XYLT2: variants seen among roughly 807,000 people sequenced by gnomAD.
XYLT2 encodes UDP-D-xylose:proteoglycan core protein beta-D-xylosyltransferase.
Under a neutral mutation model 82.6 loss-of-function variants are expected in XYLT2, and 37 were observed. That is an observed-to-expected ratio of 0.45 (90% CI 0.34 to 0.59). The LOEUF (loss-of-function observed/expected upper bound fraction) is 0.59. Among genes scored for constraint, XYLT2 ranks in the 20% least tolerant of loss-of-function variants. The pLI is 0.01. For missense variants in XYLT2, 934 were observed against 1,181.3 expected (o/e 0.79, Z 3.07); for synonymous variants, 474 against 499.0 (o/e 0.95, Z 0.67).
intron 10 of XYLT2, 150 bp downstream of exon 10, chr17:50,358,690 T>A: frequency 1.2e-6 from 1 of 823,216 alleles, no homozygotes; most frequent in Non-Finnish European, 1.9e-6. Flanking sequence ...TTCTTTCCTG[T>A]AGCATGCAGG....
At position 50,354,090 on chromosome 17, in the gene XYLT2, C is replaced by T. The variant is rs1209668675; in HGVS notation, c.596C>T (p.Pro199Leu). ...VCLHQAGSLM[P>L]KAVPRHCQLT... Reference sequence around the variant, plus strand: ...CTGCACCAGGCTGGGAGCCTCATGCCCAAGGCTGTGCCCCGGCACTGTCAG... The same window carrying T: ...CTGCACCAGGCTGGGAGCCTCATGCTCAAGGCTGTGCCCCGGCACTGTCAG... The change falls in exon 2 of 11, where the codon CCC becomes CTC. Residue 199 changes from proline to leucine, a missense_variant. This residue lies in a region of XYLT2 where 371 missense variants were observed against 394.9 expected (regional missense o/e 0.94). Coordinates refer to ENST00000017003, the MANE Select transcript of XYLT2 (RefSeq NM_022167.4). The T allele has an allele frequency of 6.2e-7, 1 of 1,606,268 alleles. No homozygotes were observed. The highest frequency in any genetic ancestry group is 1.3e-5 in the African/African-American group (1 of 74,914).
chr17:50,354,810 T>C, intron 3 of XYLT2, 44 bp from the exon 4 acceptor site: 1 of 1,606,914 alleles, frequency 6.2e-7, no homozygotes, highest in Non-Finnish European at 8.5e-7. Context: ...GGATTGGGGA[T>C]GGCGATAACA....
chr17:50,351,013 G>A (rs2143198999), intron 1 of XYLT2, among the ~76,000 whole-genome samples: 1 of 152,182 alleles, frequency 6.6e-6, no homozygotes, highest in East Asian at 1.9e-4. Context: ...GGTCAGAGAG[G>A]CCTGGGTGGA....
intron 5 of XYLT2, 80 bp from the exon 6 acceptor site, chr17:50,355,701 A>G: frequency 6.3e-7 from 1 of 1,585,286 alleles, no homozygotes; most frequent in Admixed American, 1.7e-5. Context: ...CAGGTTGAGG[A>G]GTGTTGGTTG....
rs748145386 is a variant in XYLT2, at chr17:50,346,537, C to T, written c.135+262C>T. The T allele has an allele frequency of 1.4e-5, 13 of 926,552 alleles. No individual in the cohort carries two copies. Among genetic ancestry groups the T allele is most frequent in the Admixed American group, 6.2e-5 (1 of 16,198 alleles). 57.4% of individuals were successfully genotyped at this position (926,552 alleles called of 1,614,324 possible). A position where few individuals can be genotyped will look rare whatever the true frequency, so the allele number is the denominator to read the frequency against. On this transcript the variant is annotated intron_variant, in intron 1 of 10. Coordinates refer to ENST00000017003, the MANE Select transcript of XYLT2 (RefSeq NM_022167.4). This position sits in a 1 kb window ranked among gnomAD's most constrained non-coding sequence, Gnocchi z 5.1. Reference sequence around the variant, plus strand: ...AGTCGGGCGGGGGGAGCAGGTCATGCTAGGGTGGTCTCCGGCCAAGGGAGC... The same window carrying T: ...AGTCGGGCGGGGGGAGCAGGTCATGTTAGGGTGGTCTCCGGCCAAGGGAGC...
chr17:50,347,091 T>A (rs1029292029), intron 1 of XYLT2, among the ~76,000 whole-genome samples: 5 of 152,058 alleles, frequency 3.3e-5, no homozygotes, highest in African/African-American at 9.7e-5. Context: ...TCTTCCCCGA[T>A]GTGGTTTCAG....
chr17:50,354,182 G>C, intron 2 of XYLT2, 60 bp downstream of exon 2: 1 of 1,594,120 alleles, frequency 6.3e-7, no homozygotes, highest in Non-Finnish European at 8.5e-7. Context: ...GCATGGCCCG[G>C]ATCCTCACCC....
At chr17:50,349,945 G>A (rs2526540) in intron 1 of XYLT2, among the ~76,000 whole-genome samples, 2 of 151,688 alleles carry the variant, frequency 1.3e-5, no homozygotes, top group Non-Finnish European at 2.9e-5. Flanking sequence ...CACTTTGGGA[G>A]GCTGAGGCGG....
chr17:50,356,596 A>G lies in XYLT2; in HGVS notation c.1568A>G (p.Tyr523Cys), dbSNP rs767042876. The change falls in exon 8 of 11, where the codon TAT becomes TGT. Residue 523 changes from tyrosine to cysteine, a missense_variant. By Grantham distance (194) the Tyr-to-Cys change is radical (BLOSUM62 -2). Transcript: ENST00000017003. ...EVLEILDFHL[Y>C]GSYPPGTPAL... is the part of the protein sequence containing the mutation. ...CTGGAAATCCTGGACTTCCACCTGTATGGCAGCTACCCCCCCGGCACGCCA... is the reference window on the plus strand; with the variant it reads ...CTGGAAATCCTGGACTTCCACCTGTGTGGCAGCTACCCCCCCGGCACGCCA... The G allele has an allele frequency of 1.9e-6, 3 of 1,613,990 alleles. No homozygotes were observed. Among genetic ancestry groups the G allele is most frequent in the East Asian group, 2.2e-5 (1 of 44,890 alleles).
At position 50,347,014 on chromosome 17, in the gene XYLT2, G is replaced by A. The variant is rs958536563; in HGVS notation, c.135+739G>A. The A allele has an allele frequency of 8.0e-6, 7 of 873,640 alleles. No individual in the cohort carries two copies. In the African/African-American group the frequency reaches 9.1e-5, roughly 11 times the overall value. The allele number at this position is 873,640 out of a possible 1,614,324, so 54.1% of individuals were successfully genotyped here. On this transcript the variant is annotated intron_variant, in intron 1 of 10. Coordinates refer to ENST00000017003, the MANE Select transcript of XYLT2 (RefSeq NM_022167.4). ...GAATGGGGACTGTAACAGAGCCCCAGCCGCAGAGCAGGGGCAACCAACAGC... is the reference window on the plus strand; with the variant it reads ...GAATGGGGACTGTAACAGAGCCCCAACCGCAGAGCAGGGGCAACCAACAGC...
At position 50,353,792 on chromosome 17, in the gene XYLT2, ACCAGCCGGCAGAGAG is replaced by A. The variant is rs1186137949; in HGVS notation, c.308_322del (p.Gln103_Arg107del). On this transcript the variant is annotated inframe_deletion, in exon 2 of 11. Transcript: ENST00000017003. ...CGTGGCCAAGGTGGTACGGGCAGTAACCAGCCGGCAGAGAGCCAGCCGGCGGGTCCCACCTGCCCC... is the reference window on the plus strand; with the variant it reads ...CGTGGCCAAGGTGGTACGGGCAGTAACCAGCCGGCGGGTCCCACCTGCCCC... 2 of 1,565,210 alleles carry A rather than the reference ACCAGCCGGCAGAGAG, an allele frequency of 1.3e-6. No homozygotes were observed. The highest frequency in any genetic ancestry group is 4.8e-5 in the East Asian group (2 of 41,996).
In XYLT2 at chr17:50,353,872, AGCAGCTGGGGAGGCGCTGGTAGGG is replaced by A; in HGVS notation, c.387_410del (p.Glu130_Gly137del). 6.2e-7 allele frequency: 1 copy of A among 1,609,042 alleles called. No individual in the cohort carries two copies. The highest frequency in any genetic ancestry group is 1.3e-5 in the African/African-American group (1 of 75,034). On this transcript the variant is annotated inframe_deletion, in exon 2 of 11. Transcript: ENST00000017003. ...CAGGCCGCCAGAACCTGAGTGGGGCAGCAGCTGGGGAGGCGCTGGTAGGGGCAGCTGGCTTCCCACCACACGGAG... is the reference window on the plus strand; with the variant it reads ...CAGGCCGCCAGAACCTGAGTGGGGCAGCAGCTGGCTTCCCACCACACGGAG...
intron 1 of XYLT2, among the ~76,000 whole-genome samples, chr17:50,349,812 G>A (rs1022437420): frequency 1.4e-4 from 22 of 152,248 alleles, no homozygotes; most frequent in African/African-American, 5.3e-4. Flanking sequence ...AGTCCAAGAT[G>A]TCCAGGATCT....
Position 50,353,986 on chromosome 17 carries a change from C to T in XYLT2, c.492C>T (p.Ile164=), listed in dbSNP as rs752591188. Residue 164 remains isoleucine, a synonymous_variant, in exon 2 of 11, where the codon ATC becomes ATT. Transcript: ENST00000017003. ...ATGGCTTCACCCCCAAGTGCGAGAT[C>T]GTGGGCAAGGACGCACTGTCTGCAC... ...TDNGFTPKCE[I]VGKDALSALA... 14 of 1,606,484 alleles carry T rather than the reference C, an allele frequency of 8.7e-6. No homozygotes were observed. The Admixed American group carries it at 1.2e-4, about 13-fold the overall frequency.
At chr17:50,347,935 A>G (rs1347494478) in intron 1 of XYLT2, among the ~76,000 whole-genome samples, 1 of 152,238 alleles carries the variant, frequency 6.6e-6, no homozygotes, top group African/African-American at 2.4e-5. Context: ...CCTTATCAGT[A>G]TCCCTCCTCA....
At chr17:50,352,325 C>T (rs1912308296) in intron 1 of XYLT2, among the ~76,000 whole-genome samples, 1 of 152,188 alleles carries the variant, frequency 6.6e-6, no homozygotes, top group South Asian at 2.1e-4. Flanking sequence ...CATGGTGGCC[C>T]CTGTTCCTCC....
intron 4 of XYLT2, 118 bp from the exon 5 acceptor site, chr17:50,355,383 G>A (rs1464724638): frequency 4.5e-6 from 5 of 1,107,986 alleles, no homozygotes; most frequent in Non-Finnish European, 6.7e-6. Flanking sequence ...CATCAGCCAG[G>A]GGTAGGGCAC....
rs373006980 is a variant in XYLT2 at position 50,357,679 on chromosome 17, G to A, written c.1941+427G>A. ...CAACCTCTGCCTCCCAGGTTCAAGCGATTCTCCTACCTCAGCCTCCCGCGT... is the reference window on the plus strand; with the variant it reads ...CAACCTCTGCCTCCCAGGTTCAAGCAATTCTCCTACCTCAGCCTCCCGCGT... On this transcript the variant is annotated intron_variant, in intron 9 of 10. Coordinates refer to ENST00000017003, the MANE Select transcript of XYLT2 (RefSeq NM_022167.4). The A allele has an allele frequency of 7.7e-4, 127 of 165,148 alleles. 2 individuals carry two copies. The East Asian group carries it at 0.019, about 25-fold the overall frequency. 10.2% of individuals were successfully genotyped at this position (165,148 alleles called of 1,614,324 possible).
chr17:50,350,718 A>G (rs1912231087), intron 1 of XYLT2, among the ~76,000 whole-genome samples: 1 of 152,162 alleles, frequency 6.6e-6, no homozygotes. Flanking sequence ...GTATAAATAA[A>G]TAGTAGGATG....
Sources: allele counts gnomAD v4.1 joint callset (sites outside exome capture counted in the v4.1 genomes callset), GRCh38; gene constraint gnomAD v4.1.1; regional missense constraint gnomAD v4.1.1; non-coding constraint Gnocchi (gnomAD v3.1); transcripts MANE v1.5; gene names NCBI Gene and HGNC (gene_info 2026-07-23, HGNC 2026-07-21).